Variants in MGAT4A observed in about 807,000 individuals in gnomAD.
The protein encoded by MGAT4A is alpha-1,3-mannosyl-glycoprotein 4-beta-N-acetylglucosaminyltransferase A.
Under a neutral mutation model 74.1 loss-of-function variants are expected in MGAT4A, and 33 were observed. The ratio of observed to expected loss-of-function variants is 0.45; its 90% CI spans 0.34 to 0.60. The LOEUF is 0.60. Among genes scored for constraint, MGAT4A ranks in the 20% least tolerant of loss-of-function variants. The probability of loss-of-function intolerance (pLI) is 0.02; values close to 1 mark genes in which losing one functional copy is unlikely to be tolerated. For missense variants in MGAT4A, 479 were observed against 628.3 expected (o/e 0.76, Z 2.54); for synonymous variants, 198 against 210.4 (o/e 0.94, Z 0.51).
chr2:98,720,982 C>G (rs1325727603), intron 2 of MGAT4A, among the ~76,000 whole-genome samples: 1 of 152,148 alleles, frequency 6.6e-6, no homozygotes, highest in Non-Finnish European at 1.5e-5. Flanking sequence ...ATAAAAGAGA[C>G]CCACAAACAC....
In MGAT4A at chr2:98,623,106, C is replaced by T. The variant is rs892588914; in HGVS notation, c.*2460G>A. 1.9e-5 allele frequency: 19 copies of T among 985,336 alleles called. No homozygotes were observed. The Admixed American group carries it at 8.0e-4, about 41-fold the overall frequency. The allele number at this position is 985,336 out of a possible 1,614,324, so 61.0% of individuals were successfully genotyped here. On this transcript the variant is annotated 3_prime_UTR_variant, in exon 16 of 16. Coordinates refer to ENST00000393487, the MANE Select transcript of MGAT4A (RefSeq NM_012214.3). ...CCAGATGCTGACTGGCCACCTGCCA[C>T]GTGCCTGGCACACACCCTAGGCACG...
chr2:98,642,285 G>A (rs1483933674), intron 10 of MGAT4A, among the ~76,000 whole-genome samples: 1 of 152,170 alleles, frequency 6.6e-6, no homozygotes, highest in African/African-American at 2.4e-5. Flanking sequence ...TGTCACTCCA[G>A]TGGCAATGGA....
At chr2:98,696,951 ACT>A (rs912988936) in intron 2 of MGAT4A, among the ~76,000 whole-genome samples, 2 of 152,114 alleles carry the variant, frequency 1.3e-5, no homozygotes, top group African/African-American at 4.8e-5. Flanking sequence ...ATTGTGATCC[ACT>A]TTTTTAGGGG....
chr2:98,688,767 A>AGTGTATCCT (rs1199132225), intron 2 of MGAT4A, among the ~76,000 whole-genome samples: 9 of 152,182 alleles, frequency 5.9e-5, no homozygotes, highest in African/African-American at 2.2e-4. Context: ...CTGACACCTC[A>AGTGTATCCT]GTGTATCCTT....
intron 14 of MGAT4A, among the ~76,000 whole-genome samples, chr2:98,630,992 T>C (rs894058799): frequency 6.8e-4 from 103 of 152,312 alleles, no homozygotes; most frequent in African/African-American, 2.4e-3. Flanking sequence ...ACTCCTGGCA[T>C]TGACAGGGAC....
chr2:98,719,027 C>T (rs1462606603), intron 2 of MGAT4A, among the ~76,000 whole-genome samples: 1 of 152,188 alleles, frequency 6.6e-6, no homozygotes, highest in East Asian at 1.9e-4. Context: ...AAAGAAGGGG[C>T]TTCATTTGCA....
chr2:98,664,850 T>G (rs1401936811), intron 4 of MGAT4A, among the ~76,000 whole-genome samples: 2 of 152,218 alleles, frequency 1.3e-5, no homozygotes, highest in Non-Finnish European at 2.9e-5. Context: ...CATACCACAG[T>G]GATTTTTAGG....
chr2:98,629,423 CA>C (rs1701195154), intron 14 of MGAT4A, among the ~76,000 whole-genome samples: 1 of 151,916 alleles, frequency 6.6e-6, no homozygotes, highest in African/African-American at 2.4e-5. Flanking sequence ...TAGGTGCTAC[CA>C]AAAATTATTA....
chr2:98,689,137 A>G (rs1409976790), intron 2 of MGAT4A, among the ~76,000 whole-genome samples: 3 of 152,200 alleles, frequency 2.0e-5, no homozygotes, highest in Non-Finnish European at 2.9e-5. Context: ...TTGTGTTTCT[A>G]AGACTACTGG....
At chr2:98,630,389 T>C (rs945343188) in intron 14 of MGAT4A, among the ~76,000 whole-genome samples, 2 of 152,172 alleles carry the variant, frequency 1.3e-5, no homozygotes, top group African/African-American at 2.4e-5. Flanking sequence ...CCACTGTGCA[T>C]TGCTTAGGAA....
At chr2:98,661,511 A>C (rs1701749836) in intron 5 of MGAT4A, among the ~76,000 whole-genome samples, 1 of 152,228 alleles carries the variant, frequency 6.6e-6, no homozygotes, top group South Asian at 2.1e-4. Flanking sequence ...ATGCAATAAT[A>C]GAGGAAAAAC....
At chr2:98,699,513 T>C (rs1254883951) in intron 2 of MGAT4A, among the ~76,000 whole-genome samples, 1 of 152,136 alleles carries the variant, frequency 6.6e-6, no homozygotes, top group African/African-American at 2.4e-5. Context: ...GTCTTTTTTT[T>C]TTCCCCCTAA....
chr2:98,638,464 T>C (rs1348225235), intron 12 of MGAT4A, among the ~76,000 whole-genome samples: 1 of 152,234 alleles, frequency 6.6e-6, no homozygotes, highest in Non-Finnish European at 1.5e-5. Flanking sequence ...GTCAATATTT[T>C]TGATGACTGC....
At chr2:98,631,111 T>C (rs547926426) in intron 14 of MGAT4A, among the ~76,000 whole-genome samples, 25 of 152,334 alleles carry the variant, frequency 1.6e-4, no homozygotes, top group African/African-American at 5.3e-4. Context: ...CTCGCAGCTT[T>C]AACCCACTGA....
At chr2:98,718,442 T>C (rs1007269308) in intron 2 of MGAT4A, among the ~76,000 whole-genome samples, 1 of 152,182 alleles carries the variant, frequency 6.6e-6, no homozygotes, top group African/African-American at 2.4e-5. Flanking sequence ...CAAGGACAAA[T>C]AGCACATGAA....
intron 2 of MGAT4A, among the ~76,000 whole-genome samples, chr2:98,696,029 G>A (rs1449090647): frequency 6.6e-6 from 1 of 151,876 alleles, no homozygotes; most frequent in African/African-American, 2.4e-5. Flanking sequence ...TTACAGGCAT[G>A]CACCACCATG....
At chr2:98,679,469 A>AAAT (rs979086948) in intron 2 of MGAT4A, among the ~76,000 whole-genome samples, 10 of 151,646 alleles carry the variant, frequency 6.6e-5, no homozygotes, top group African/African-American at 2.2e-4. Context: ...CCATCTCTAT[A>AAAT]AAACAATAAA....
intron 2 of MGAT4A, chr2:98,694,005 A>C (rs1702231357): frequency 6.5e-6 from 1 of 153,128 alleles, no homozygotes; most frequent in Non-Finnish European, 1.5e-5. Context: ...AATCACATTA[A>C]ATGTAAATGG....
intron 2 of MGAT4A, among the ~76,000 whole-genome samples, chr2:98,720,321 G>T (rs535362351): frequency 4.6e-5 from 7 of 152,306 alleles, no homozygotes; most frequent in African/African-American, 1.7e-4. Context: ...GGTGGGTATC[G>T]TCCAATCTAC....
Sources: allele counts gnomAD v4.1 joint callset (sites outside exome capture counted in the v4.1 genomes callset), GRCh38; gene constraint gnomAD v4.1.1; transcripts MANE v1.5; gene names NCBI Gene and HGNC (gene_info 2026-07-23, HGNC 2026-07-21).